CNTN3: variants seen among roughly 807,000 people sequenced by gnomAD.
CNTN3 encodes the protein contactin 3.
CNTN3 carries 60 observed loss-of-function variants against 119.1 expected under a neutral mutation model. That is an observed-to-expected ratio of 0.50 (90% CI 0.41 to 0.62). The LOEUF is 0.62. Among genes scored for constraint, CNTN3 ranks in the 20% least tolerant of loss-of-function variants. CNTN3 has a pLI of 0.00. For synonymous variants in CNTN3, 450 were observed against 438.7 expected (o/e 1.03, Z -0.32); for missense variants, 1,101 against 1,242.4 (o/e 0.89, Z 1.71).
chr3:74,292,973 G>A (rs537146429), intron 19 of CNTN3, among the ~76,000 whole-genome samples: 51 of 152,268 alleles, frequency 3.3e-4, no homozygotes, highest in African/African-American at 1.2e-3. Flanking sequence ...TTTAAAAGAT[G>A]TGCATTAAGT....
intron 13 of CNTN3, among the ~76,000 whole-genome samples, chr3:74,304,415 GTTGA>G (rs749883462): frequency 6.6e-6 from 1 of 152,164 alleles, no homozygotes; most frequent in Non-Finnish European, 1.5e-5. Context: ...TTCATAGGAG[GTTGA>G]TTATCACTTC....
At chr3:74,441,634 C>A (rs1034888541) in intron 4 of CNTN3, among the ~76,000 whole-genome samples, 1 of 152,072 alleles carries the variant, frequency 6.6e-6, no homozygotes, top group Non-Finnish European at 1.5e-5. Context: ...GCAATTAGGG[C>A]AACTGTGCTG....
intron 4 of CNTN3, among the ~76,000 whole-genome samples, chr3:74,455,625 G>T (rs1457490473): frequency 6.6e-6 from 1 of 151,932 alleles, no homozygotes; most frequent in African/African-American, 2.4e-5. Context: ...CCCCATCTTT[G>T]TGGTTTTATC....
intron 4 of CNTN3, among the ~76,000 whole-genome samples, chr3:74,436,841 T>C (rs1701874939): frequency 6.6e-6 from 1 of 152,184 alleles, no homozygotes; most frequent in South Asian, 2.1e-4. Context: ...AATTGCAAAG[T>C]AAAACAGCAA....
chr3:74,291,662 A>C (rs916047225), intron 19 of CNTN3, among the ~76,000 whole-genome samples: 1 of 152,138 alleles, frequency 6.6e-6, no homozygotes, highest in African/African-American at 2.4e-5. Flanking sequence ...TACAGGTGTG[A>C]GCCACCGCGC....
intron 4 of CNTN3, among the ~76,000 whole-genome samples, chr3:74,472,512 A>T (rs1377163843): frequency 1.3e-5 from 2 of 152,222 alleles, no homozygotes; most frequent in Admixed American, 1.3e-4. Flanking sequence ...GTACAAACTA[A>T]AAGATTTTAT....
intron 11 of CNTN3, among the ~76,000 whole-genome samples, chr3:74,359,559 A>G (rs773119615): frequency 1.3e-5 from 2 of 152,132 alleles, no homozygotes; most frequent in African/African-American, 2.4e-5. Flanking sequence ...TGTATTAAGT[A>G]TAGATTAAAG....
rs188623299 is a variant in CNTN3 at position 74,318,568 on chromosome 3, G to A, written c.1669-15761C>T. 3.8e-4 allele frequency among the ~76,000 whole-genome samples: 58 copies of A among 152,298 alleles called. 1 individual carries two copies. In the East Asian group the frequency reaches 9.9e-3, roughly 26 times the overall value. On this transcript the variant is annotated intron_variant, in intron 13 of 22. Coordinates refer to ENST00000263665, the MANE Select transcript of CNTN3 (RefSeq NM_020872.3). ...CTTCTAACGGACAGGACCCTCAGCTGCAGGTCTGTTGGAGTTGGAGTTTGC... is the reference window on the plus strand; with the variant it reads ...CTTCTAACGGACAGGACCCTCAGCTACAGGTCTGTTGGAGTTGGAGTTTGC...
chr3:74,334,658 A>G (rs955452285), intron 13 of CNTN3, 77 bp downstream of exon 13: 1 of 1,292,536 alleles, frequency 7.7e-7, no homozygotes, highest in African/African-American at 1.5e-5. Context: ...CATTGTCTAT[A>G]TGTCAGACAG....
At chr3:74,578,317 C>T (rs932248138) in intron 1 of CNTN3, among the ~76,000 whole-genome samples, 4 of 151,958 alleles carry the variant, frequency 2.6e-5, no homozygotes, top group African/African-American at 9.7e-5. Flanking sequence ...CAATGTTTCT[C>T]CACTGTTGGA....
At chr3:74,410,599 C>T (rs138641250) in intron 5 of CNTN3, among the ~76,000 whole-genome samples, 24 of 152,246 alleles carry the variant, frequency 1.6e-4, no homozygotes, top group African/African-American at 5.5e-4. Context: ...CTTCAGATGT[C>T]ATTTCATGTC....
At chr3:74,289,196 G>A (rs1003186902) in intron 19 of CNTN3, among the ~76,000 whole-genome samples, 5 of 152,024 alleles carry the variant, frequency 3.3e-5, no homozygotes, top group African/African-American at 1.2e-4. Context: ...TTTTTATCTT[G>A]GTGTAATTAC....
chr3:74,359,510 A>G (rs1704029839), intron 11 of CNTN3, among the ~76,000 whole-genome samples: 1 of 152,186 alleles, frequency 6.6e-6, no homozygotes, highest in African/African-American at 2.4e-5. Context: ...AACTTCCAGC[A>G]TAGTCAAAAT....
intron 11 of CNTN3, among the ~76,000 whole-genome samples, chr3:74,340,103 A>G (rs149336434): frequency 2.6e-5 from 4 of 152,278 alleles, no homozygotes; most frequent in African/African-American, 9.6e-5. Flanking sequence ...CAGCACTTAC[A>G]TATTAGTAGG....
intron 4 of CNTN3, among the ~76,000 whole-genome samples, chr3:74,456,690 TAG>T (rs1702276499): frequency 6.6e-6 from 1 of 152,170 alleles, no homozygotes; most frequent in South Asian, 2.1e-4. Context: ...TTTCTTTAAA[TAG>T]GAAGCCAATG....
chr3:74,532,289 T>C (rs554540714), intron 1 of CNTN3, among the ~76,000 whole-genome samples: 6 of 152,054 alleles, frequency 3.9e-5, no homozygotes, highest in African/African-American at 1.4e-4. Flanking sequence ...CCATGATTAA[T>C]GGTTTTCAGT....
chr3:74,420,615 G>T (rs1007724272), intron 5 of CNTN3, among the ~76,000 whole-genome samples: 5 of 152,198 alleles, frequency 3.3e-5, no homozygotes, highest in Non-Finnish European at 7.3e-5. Context: ...ACAAAACCAT[G>T]AACTGTGCTG....
chr3:74,434,608 C>G lies in CNTN3; in HGVS notation c.359-9668G>C, dbSNP rs1275597437. The stretch of plus-strand genomic sequence containing the variant: ...CCTAGGTGCAATCCCTTGGCTGATT[C>G]TCTCTAGCTATTTGAACAGGGCATA... On this transcript the variant is annotated intron_variant, in intron 4 of 22. Coordinates refer to ENST00000263665, the MANE Select transcript of CNTN3 (RefSeq NM_020872.3). 2.0e-5 allele frequency among the ~76,000 whole-genome samples: 3 copies of G among 152,190 alleles called. No homozygotes were observed. In the East Asian group the frequency reaches 5.8e-4, roughly 29 times the overall value.
rs925653821 is a variant in CNTN3, at chr3:74,365,582, G to A, written c.1067C>T (p.Ala356Val). 1.2e-6 allele frequency: 2 copies of A among 1,613,272 alleles called. No homozygotes were observed. The highest frequency in any genetic ancestry group is 1.7e-6 in the Non-Finnish European group (2 of 1,179,512). The change falls in exon 9 of 23, where the codon GCA (alanine) becomes GTA (valine). Residue 356 changes from alanine to valine, a missense_variant. Transcript: ENST00000263665. ...KPSYRWLKNG[A>V]ALVLEERTQI... is the part of the protein sequence containing the mutation. ...TTACCTTACCTCTAGCACCAGGGCT[G>A]CTCCATTTTTCAGCCATCGGTAGGA...
Sources: allele counts gnomAD v4.1 joint callset (sites outside exome capture counted in the v4.1 genomes callset), GRCh38; gene constraint gnomAD v4.1.1; transcripts MANE v1.5; gene names NCBI Gene and HGNC (gene_info 2026-07-23, HGNC 2026-07-21).